The following GNA11 variants were observed in gnomAD, a reference collection of about 807,000 sequenced individuals.
The protein encoded by GNA11 is G protein subunit alpha 11.
A neutral mutation model predicts 38.2 loss-of-function variants in GNA11; 8 were observed. The ratio of observed to expected loss-of-function variants is 0.21; its 90% CI spans 0.12 to 0.38. The LOEUF (loss-of-function observed/expected upper bound fraction) is 0.38, where lower values mean the gene tolerates loss of function less well. Ranked by LOEUF, GNA11 falls within the 10% of genes least tolerant of loss-of-function variation. The probability of loss-of-function intolerance (pLI) is 1.00; values close to 1 mark genes in which losing one functional copy is unlikely to be tolerated. For missense variants in GNA11, 268 were observed against 516.3 expected (o/e 0.52, Z 4.66); for synonymous variants, 211 against 221.4 (o/e 0.95, Z 0.42).
chr19:3,110,010 TG>T lies in GNA11; in HGVS notation c.137-137del. The stretch of plus-strand genomic sequence containing the variant: ...CGAGGAGTCAGGAGGCCGTGGCGTC[TG>T]GTGGAGAGACGGTCAGCCTCACGTG... On this transcript the variant is annotated intron_variant, in intron 1 of 6. Coordinates refer to ENST00000078429, the MANE Select transcript of GNA11 (RefSeq NM_002067.5). The surrounding 1 kb of genome is among the most constrained non-coding windows in gnomAD (Gnocchi z 5.4). 1.6e-6 allele frequency: 1 copy of T among 629,876 alleles called. No individual in the cohort carries two copies. Among genetic ancestry groups the T allele is most frequent in the Non-Finnish European group, 2.8e-6 (1 of 362,604 alleles). The allele number at this position is 629,876 out of a possible 1,614,324, so 39.0% of individuals were successfully genotyped here. A position where few individuals can be genotyped will look rare whatever the true frequency, so the allele number is the denominator to read the frequency against.
rs1264318339 is a variant in GNA11 at position 3,110,831 on chromosome 19, C to T, written c.321+498C>T. Among the ~76,000 whole-genome samples the T allele has an allele frequency of 6.6e-6, 1 of 152,036 alleles. No homozygotes were observed. The highest frequency in any genetic ancestry group is 1.5e-5 in the Non-Finnish European group (1 of 68,036). ...GTTTTGTTTTGAAAACAGGGTCTCG[C>T]TCTGTCGCCCAGGCTGGAGTGCAGT... On this transcript the variant is annotated intron_variant, in intron 2 of 6. Transcript: ENST00000078429. This position sits in a 1 kb window ranked among gnomAD's most constrained non-coding sequence, Gnocchi z 5.4.
chr19:3,113,535 T>C, intron 3 of GNA11, 51 bp downstream of exon 3: 1 of 1,414,230 alleles, frequency 7.1e-7, no homozygotes, highest in Non-Finnish European at 9.5e-7. Context: ...TGCGGGCCGG[T>C]GCCTGGGACC....
rs451778 is a variant in GNA11, at chr19:3,119,408, G to C, written c.889+49G>C. 6 of 1,572,968 alleles carry C rather than the reference G, an allele frequency of 3.8e-6. No homozygotes were observed. Among genetic ancestry groups the C allele is most frequent in the East Asian group, 4.5e-5 (2 of 44,582 alleles). On this transcript the variant is annotated intron_variant, in intron 6 of 6. Transcript: ENST00000078429. The surrounding 1 kb of genome is among the most constrained non-coding windows in gnomAD (Gnocchi z 4.6). ...AGGGGCTCGCGGGCAGGGCCTTACT[G>C]GGGGGAGGGGGCTGATATGGGAGAG...
At position 3,118,625 on chromosome 19, in the gene GNA11, G is replaced by A. The variant is rs945611869; in HGVS notation, c.606-299G>A. ...CCCTGGGCACCCATCGCAGGTTCCC[G>A]CAGCAGCTGGCGCCCAGAATCCTCT... On this transcript the variant is annotated intron_variant, in intron 4 of 6. Transcript: ENST00000078429. 9 of 356,156 alleles carry A rather than the reference G, an allele frequency of 2.5e-5. 1 individual carries two copies. Among genetic ancestry groups the A allele is most frequent in the Admixed American group, 4.2e-5 (1 of 23,592 alleles). The allele number at this position is 356,156 out of a possible 1,614,324, so 22.1% of individuals were successfully genotyped here. A position where few individuals can be genotyped will look rare whatever the true frequency, so the allele number is the denominator to read the frequency against.
At chr19:3,102,428 A>C (rs1317306765) in intron 1 of GNA11, among the ~76,000 whole-genome samples, 1 of 152,200 alleles carries the variant, frequency 6.6e-6, no homozygotes, top group Non-Finnish European at 1.5e-5. Context: ...GAGCCTCAGC[A>C]GCGGGGTGAG....
chr19:3,094,379 C>T lies in GNA11; in HGVS notation c.-273C>T, dbSNP rs1410052789. ...AGCCTGCTAGGTTGTCCGGCGCTGT[C>T]GCTCGGTTGCGGCGGCTGCGGTTGG... On this transcript the variant is annotated 5_prime_UTR_variant, in exon 1 of 7. Coordinates refer to ENST00000078429, the MANE Select transcript of GNA11 (RefSeq NM_002067.5). This position sits in a 1 kb window ranked among gnomAD's most constrained non-coding sequence, Gnocchi z 6.0. 6.7e-6 allele frequency: 1 copy of T among 148,756 alleles called. No individual in the cohort carries two copies. The highest frequency in any genetic ancestry group is 1.5e-5 in the Non-Finnish European group (1 of 66,978). 9.2% of individuals were successfully genotyped at this position (148,756 alleles called of 1,614,324 possible).
intron 1 of GNA11, among the ~76,000 whole-genome samples, chr19:3,100,351 CT>C (rs959137044): frequency 6.6e-6 from 1 of 152,226 alleles, no homozygotes; most frequent in Non-Finnish European, 1.5e-5. Flanking sequence ...AGCAGGACCC[CT>C]GACCCGTGTG....
intron 1 of GNA11, among the ~76,000 whole-genome samples, chr19:3,107,490 G>T (rs1913666679): frequency 6.6e-6 from 1 of 152,212 alleles, no homozygotes; most frequent in South Asian, 2.1e-4. Context: ...TGCAGCATGG[G>T]GCCTGTGCTG....
chr19:3,095,622 C>T (rs922438239), intron 1 of GNA11, among the ~76,000 whole-genome samples: 2 of 152,080 alleles, frequency 1.3e-5, no homozygotes, highest in Non-Finnish European at 2.9e-5. Flanking sequence ...CCGTACTCCT[C>T]TTGGCTGGAA....
At position 3,123,637 on chromosome 19, in the gene GNA11, C is replaced by T. The variant is rs8092; in HGVS notation, c.*2458C>T. 71,367 of 232,848 alleles carry T rather than the reference C, an allele frequency of 0.31. 11,571 individuals carry two copies. Among genetic ancestry groups the T allele is most frequent in the Non-Finnish European group, 0.34 (40,656 of 117,858 alleles). The allele number at this position is 232,848 out of a possible 1,614,324, so 14.4% of individuals were successfully genotyped here. ...ACTGCAAACCCATGCCCTGGGTCCCCCGGCTCCCCCAGGGAGGCATCCCCG... is the reference window on the plus strand; with the variant it reads ...ACTGCAAACCCATGCCCTGGGTCCCTCGGCTCCCCCAGGGAGGCATCCCCG... On this transcript the variant is annotated 3_prime_UTR_variant, in exon 7 of 7. Coordinates refer to ENST00000078429, the MANE Select transcript of GNA11 (RefSeq NM_002067.5).
At chr19:3,116,342 C>T (rs1034949551) in intron 4 of GNA11, among the ~76,000 whole-genome samples, 5 of 152,308 alleles carry the variant, frequency 3.3e-5, no homozygotes, top group African/African-American at 9.6e-5. Flanking sequence ...GCCTTATTCC[C>T]GCCCAGTGCT....
At position 3,110,373 on chromosome 19, in the gene GNA11, G is replaced by C; in HGVS notation, c.321+40G>C. 1 of 1,548,048 alleles carries C rather than the reference G, an allele frequency of 6.5e-7. No individual in the cohort carries two copies. The highest frequency in any genetic ancestry group is 8.9e-7 in the Non-Finnish European group (1 of 1,123,562). On this transcript the variant is annotated intron_variant, in intron 2 of 6. Transcript: ENST00000078429. This position sits in a 1 kb window ranked among gnomAD's most constrained non-coding sequence, Gnocchi z 5.4. ...GCCTGGGGAGGGGAGCGCCTGGGCA[G>C]CTGTGGGCTTGGTGGTGAGCATGGT...
At chr19:3,104,073 C>T (rs1172630020) in intron 1 of GNA11, among the ~76,000 whole-genome samples, 5 of 152,018 alleles carry the variant, frequency 3.3e-5, no homozygotes, top group Admixed American at 1.3e-4. Context: ...CCACCTGCCT[C>T]GGCCTCAAAG....
At chr19:3,112,894 C>T (rs541939432) in intron 2 of GNA11, among the ~76,000 whole-genome samples, 11 of 152,356 alleles carry the variant, frequency 7.2e-5, no homozygotes, top group East Asian at 3.9e-4. Context: ...TCCTGCCTCC[C>T]GGTGTGTCTG....
intron 4 of GNA11, chr19:3,118,573 G>C (rs956561428): frequency 1.1e-5 from 3 of 267,910 alleles, no homozygotes; most frequent in African/African-American, 6.6e-5. Context: ...TGTGCTCAGG[G>C]TGACATCCAG....
intron 3 of GNA11, 129 bp from the exon 4 acceptor site, chr19:3,114,815 G>A (rs536880038): frequency 4.6e-5 from 39 of 851,986 alleles, no homozygotes; most frequent in Middle Eastern, 6.2e-4. Flanking sequence ...AGACACTGCC[G>A]TAGGTGGCGC....
rs563944908 is a variant in GNA11, at chr19:3,110,140, G to A, written c.137-9G>A. On this transcript the variant is annotated splice_polypyrimidine_tract_variant and intron_variant, in intron 1 of 6. Coordinates refer to ENST00000078429, the MANE Select transcript of GNA11 (RefSeq NM_002067.5). The surrounding 1 kb of genome is among the most constrained non-coding windows in gnomAD (Gnocchi z 5.4). ...GCTGCCGCCCGCCCTCACGTGCCCC[G>A]TCCCCCAGGCACGGGCGAGAGCGGG... The A allele has an allele frequency of 3.5e-5, 55 of 1,591,436 alleles. No homozygotes were observed. The highest frequency in any genetic ancestry group is 1.2e-4 in the Admixed American group (7 of 57,542).
intron 1 of GNA11, among the ~76,000 whole-genome samples, chr19:3,105,554 A>C (rs1039499143): frequency 3.3e-5 from 5 of 152,204 alleles, no homozygotes; most frequent in African/African-American, 1.2e-4. Context: ...CAGTGCCCTC[A>C]TGAAAGAGCC....
In GNA11 at chr19:3,123,349, C is replaced by A; in HGVS notation, c.*2170C>A. 1 of 233,430 alleles carries A rather than the reference C, an allele frequency of 4.3e-6. No homozygotes were observed. The highest frequency in any genetic ancestry group is 5.6e-5 in the Admixed American group (1 of 17,810). The allele number at this position is 233,430 out of a possible 1,614,324, so 14.5% of individuals were successfully genotyped here. ...GATCCTCTGGGTCTGAGTGCCTGAT[C>A]CCCTGCCCCCCAAAAAAGCAGAGGT... On this transcript the variant is annotated 3_prime_UTR_variant, in exon 7 of 7. Coordinates refer to ENST00000078429, the MANE Select transcript of GNA11 (RefSeq NM_002067.5).
Sources: allele counts gnomAD v4.1 joint callset (sites outside exome capture counted in the v4.1 genomes callset), GRCh38; gene constraint gnomAD v4.1.1; non-coding constraint Gnocchi (gnomAD v3.1); transcripts MANE v1.5; gene names NCBI Gene and HGNC (gene_info 2026-07-23, HGNC 2026-07-21).